The following PARVA variants were observed in gnomAD, a reference collection of about 807,000 sequenced individuals.
PARVA encodes parvin alpha.
In PARVA, 25 loss-of-function variants were observed where a neutral mutation model predicts 52.6. The observed-to-expected ratio is 0.48, with a 90% confidence interval of 0.35 to 0.66. The LOEUF (loss-of-function observed/expected upper bound fraction) is 0.66. PARVA is among the 30% of genes least tolerant of loss of function. PARVA has a pLI of 0.01. For synonymous variants in PARVA, 185 were observed against 179.1 expected (o/e 1.03, Z -0.26); for missense variants, 373 against 450.9 (o/e 0.83, Z 1.56).
At chr11:12,519,748 A>G (rs1323046686) in intron 12 of PARVA, among the ~76,000 whole-genome samples, 1 of 152,112 alleles carries the variant, frequency 6.6e-6, no homozygotes, top group African/African-American at 2.4e-5. Flanking sequence ...TTATCTATTG[A>G]CTCTAGCCAA....
At chr11:12,490,083 G>T (rs1325941378) in intron 4 of PARVA, among the ~76,000 whole-genome samples, 1 of 152,122 alleles carries the variant, frequency 6.6e-6, no homozygotes, top group African/African-American at 2.4e-5. Context: ...GGGTGTGGTG[G>T]TGGGCACCTG....
intron 5 of PARVA, among the ~76,000 whole-genome samples, chr11:12,499,877 A>T (rs1213349021): frequency 6.6e-6 from 1 of 152,202 alleles, no homozygotes; most frequent in Admixed American, 6.5e-5. Flanking sequence ...TGGAAGATGT[A>T]TATATTGACA....
chr11:12,498,092 G>T (rs1941320921), intron 5 of PARVA, among the ~76,000 whole-genome samples: 1 of 152,102 alleles, frequency 6.6e-6, no homozygotes, highest in Non-Finnish European at 1.5e-5. Context: ...GGAGGGCAGT[G>T]GTGCAATCTC....
At chr11:12,398,910 C>T (rs1345374480) in intron 1 of PARVA, among the ~76,000 whole-genome samples, 2 of 152,190 alleles carry the variant, frequency 1.3e-5, no homozygotes, top group Non-Finnish European at 2.9e-5. Flanking sequence ...TGGGCACTTA[C>T]ATAGACCTTA....
chr11:12,406,921 C>T (rs144884144), intron 1 of PARVA, among the ~76,000 whole-genome samples: 13,753 of 152,112 alleles, frequency 0.09, 706 homozygotes, highest in Non-Finnish European at 0.12. Context: ...CCACCTGCCT[C>T]GGCTTCCCAA....
rs572899027 is a variant in PARVA at position 12,444,447 on chromosome 11, CT to C, written c.137-29288del. 1.5e-4 allele frequency among the ~76,000 whole-genome samples: 22 copies of C among 148,014 alleles called. No individual in the cohort carries two copies. The South Asian group carries it at 2.8e-3, about 19-fold the overall frequency. On this transcript the variant is annotated intron_variant, in intron 1 of 12. Coordinates refer to ENST00000334956, the MANE Select transcript of PARVA (RefSeq NM_018222.5). ...GCCCAGTATATCTTTCTTTGCTTTTCTTTTTTTTTTATAGAGATATAGGGTC... is the reference window on the plus strand; with the variant it reads ...GCCCAGTATATCTTTCTTTGCTTTTCTTTTTTTTTATAGAGATATAGGGTC...
intron 1 of PARVA, among the ~76,000 whole-genome samples, chr11:12,417,116 C>T (rs7123733): frequency 0.013 from 2,026 of 152,170 alleles, 48 homozygotes; most frequent in African/African-American, 0.046. Context: ...TCAGTGAAAT[C>T]GACTGATTAG....
intron 1 of PARVA, among the ~76,000 whole-genome samples, chr11:12,460,112 A>G (rs989446290): frequency 1.3e-5 from 2 of 152,210 alleles, no homozygotes; most frequent in Non-Finnish European, 2.9e-5. Flanking sequence ...ATGGTGTGAT[A>G]TGTATTTTCA....
At chr11:12,434,720 T>G (rs1218142074) in intron 1 of PARVA, among the ~76,000 whole-genome samples, 1 of 152,158 alleles carries the variant, frequency 6.6e-6, no homozygotes, top group Non-Finnish European at 1.5e-5. Context: ...CCCAGCCTGG[T>G]TATCTGTTGA....
chr11:12,406,507 T>A (rs901749086), intron 1 of PARVA, among the ~76,000 whole-genome samples: 6 of 20,568 alleles, frequency 2.9e-4, no homozygotes, highest in Admixed American at 1.6e-3. Flanking sequence ...TGTATTTTGA[T>A]TTTTTTTTTT....
At chr11:12,414,143 A>G (rs1017310252) in intron 1 of PARVA, among the ~76,000 whole-genome samples, 2 of 152,172 alleles carry the variant, frequency 1.3e-5, no homozygotes, top group African/African-American at 2.4e-5. Context: ...TTCTCTGTCA[A>G]ACCTTTGTCA....
At position 12,426,262 on chromosome 11, in the gene PARVA, T is replaced by C. The variant is rs142169197; in HGVS notation, c.137-47483T>C. Among the ~76,000 whole-genome samples, 192 of 152,258 alleles carry C rather than the reference T, an allele frequency of 1.3e-3. 2 individuals carry two copies. Among genetic ancestry groups the C allele is most frequent in the African/African-American group, 4.4e-3 (182 of 41,560 alleles). On this transcript the variant is annotated intron_variant, in intron 1 of 12. Coordinates refer to ENST00000334956, the MANE Select transcript of PARVA (RefSeq NM_018222.5). The stretch of plus-strand genomic sequence containing the variant: ...TTTAAGCTGAGAGCTGAAGGATGGG[T>C]CACTAACCATGTGAAGCTGGGTGAA...
intron 1 of PARVA, among the ~76,000 whole-genome samples, chr11:12,438,544 C>T (rs755970242): frequency 1.3e-5 from 2 of 152,114 alleles, no homozygotes; most frequent in Non-Finnish European, 2.9e-5. Flanking sequence ...AAAGTCCCCA[C>T]CTTTTAATAC....
intron 1 of PARVA, among the ~76,000 whole-genome samples, chr11:12,414,284 C>A (rs1482451777): frequency 6.6e-6 from 1 of 152,184 alleles, no homozygotes; most frequent in Non-Finnish European, 1.5e-5. Flanking sequence ...TAGGAGTTTA[C>A]ATTTTACAAC....
At chr11:12,408,838 A>T (rs1939951154) in intron 1 of PARVA, among the ~76,000 whole-genome samples, 1 of 152,218 alleles carries the variant, frequency 6.6e-6, no homozygotes, top group South Asian at 2.1e-4. Context: ...ACTTCAGAGC[A>T]GATGGCTAAG....
chr11:12,495,330 C>T (rs1448305440), intron 4 of PARVA, among the ~76,000 whole-genome samples: 1 of 152,166 alleles, frequency 6.6e-6, no homozygotes, highest in Non-Finnish European at 1.5e-5. Flanking sequence ...AAGAATGACT[C>T]AAGGGGCATT....
chr11:12,439,604 C>G (rs1940434498), intron 1 of PARVA, among the ~76,000 whole-genome samples: 1 of 152,172 alleles, frequency 6.6e-6, no homozygotes, highest in Non-Finnish European at 1.5e-5. Context: ...GTTTGGATCT[C>G]TGACTGAAGA....
intron 1 of PARVA, among the ~76,000 whole-genome samples, chr11:12,442,487 A>T (rs931564771): frequency 9.9e-5 from 15 of 152,182 alleles, no homozygotes; most frequent in African/African-American, 3.6e-4. Context: ...GCAGCAAAAG[A>T]CTGCATTTTC....
intron 5 of PARVA, among the ~76,000 whole-genome samples, chr11:12,501,949 AG>A (rs1941368241): frequency 6.6e-6 from 1 of 152,212 alleles, no homozygotes; most frequent in African/African-American, 2.4e-5. Flanking sequence ...GGAGAGGGGT[AG>A]CAAATGTTCT....
Sources: gnomAD v4.1 joint callset for allele counts (sites outside exome capture counted in the v4.1 genomes callset) on GRCh38, gnomAD v4.1.1 for gene constraint, MANE v1.5 for transcripts, NCBI Gene and HGNC (gene_info 2026-07-23, HGNC 2026-07-21) for gene names.